The following TTC39B variants were observed in gnomAD, a reference collection of about 807,000 sequenced individuals.
TTC39B encodes tetratricopeptide repeat domain 39B, also known as tetratricopeptide repeat protein 39B.
TTC39B carries 92 observed loss-of-function variants against 96.6 expected under a neutral mutation model. The ratio of observed to expected loss-of-function variants is 0.95; its 90% CI spans 0.80 to 1.13. The LOEUF is 1.13. TTC39B is among the 50% of genes most tolerant of loss of function. TTC39B has a pLI of 0.00. For missense variants in TTC39B, 955 were observed against 809.3 expected (o/e 1.18, Z -2.18); for synonymous variants, 367 against 299.4 (o/e 1.23, Z -2.33).
chr9:15,233,867 T>C (rs1440542202), intron 2 of TTC39B, among the ~76,000 whole-genome samples: 2 of 148,708 alleles, frequency 1.3e-5, no homozygotes, highest in East Asian at 4.1e-4. Flanking sequence ...GTCTGGAAAG[T>C]GAGGAGCGTC....
intron 2 of TTC39B, among the ~76,000 whole-genome samples, chr9:15,239,222 C>A (rs1445802368): frequency 1.3e-5 from 2 of 152,086 alleles, no homozygotes; most frequent in Non-Finnish European, 2.9e-5. Flanking sequence ...GAGATATCAT[C>A]TTATACCAGT....
At chr9:15,202,480 G>C (rs10116289) in intron 7 of TTC39B, among the ~76,000 whole-genome samples, 18 of 151,874 alleles carry the variant, frequency 1.2e-4, no homozygotes, top group Admixed American at 4.6e-4. Flanking sequence ...GGGAGGCCGA[G>C]GTGGGTGGAA....
intron 6 of TTC39B, among the ~76,000 whole-genome samples, chr9:15,209,582 C>T (rs1820068782): frequency 6.6e-6 from 1 of 152,144 alleles, no homozygotes; most frequent in Non-Finnish European, 1.5e-5. Flanking sequence ...ACTGTCAGTC[C>T]TGGTTCTTCC....
chr9:15,248,948 T>A (rs961410150), intron 2 of TTC39B: 1 of 152,234 alleles, frequency 6.6e-6, no homozygotes, highest in Non-Finnish European at 1.5e-5. Context: ...GTATTTTGAC[T>A]ACTGATCTCT....
intron 1 of TTC39B, among the ~76,000 whole-genome samples, chr9:15,283,159 G>T (rs1384538993): frequency 1.3e-5 from 2 of 152,064 alleles, no homozygotes; most frequent in Non-Finnish European, 2.9e-5. Flanking sequence ...AATCAATAAA[G>T]AAATAAATGA....
At chr9:15,268,031 C>G (rs758168531) in intron 1 of TTC39B, 83 bp from the exon 2 acceptor site, 22 of 1,282,290 alleles carry the variant, frequency 1.7e-5, no homozygotes, top group African/African-American at 3.0e-5. Context: ...AATGAATACA[C>G]GCATTGGGGA....
chr9:15,200,121 A>C (rs534672875), intron 7 of TTC39B, among the ~76,000 whole-genome samples, 196 bp from the exon 8 acceptor site: 50 of 152,318 alleles, frequency 3.3e-4, no homozygotes, highest in African/African-American at 1.0e-3. Context: ...TCCACATTAG[A>C]GGACAACAAA....
At chr9:15,187,640 T>G (rs1372256425) in intron 14 of TTC39B, among the ~76,000 whole-genome samples, 1 of 152,186 alleles carries the variant, frequency 6.6e-6, no homozygotes, top group Non-Finnish European at 1.5e-5. Flanking sequence ...TTTTATTTTT[T>G]GCAGAGATAA....
chr9:15,208,004 A>G (rs1219508928), intron 6 of TTC39B, among the ~76,000 whole-genome samples: 1 of 146,584 alleles, frequency 6.8e-6, no homozygotes, highest in African/African-American at 2.5e-5. Context: ...AAAAAAAAAA[A>G]GGAGCATTAT....
chr9:15,264,137 T>A (rs986599010), intron 2 of TTC39B, among the ~76,000 whole-genome samples: 6 of 152,148 alleles, frequency 3.9e-5, no homozygotes, highest in Non-Finnish European at 8.8e-5. Flanking sequence ...AGAAAAACTA[T>A]AACAGAGTTG....
chr9:15,188,057 G>C, exon 14 of TTC39B: 7 of 1,612,106 alleles, frequency 4.3e-6, no homozygotes, highest in Non-Finnish European at 5.9e-6. Context: ...ATCCACATTA[G>C]CTCCCAGTAG....
intron 2 of TTC39B, among the ~76,000 whole-genome samples, chr9:15,236,010 C>T (rs480635): frequency 0.19 from 28,724 of 151,994 alleles, 2,819 homozygotes; most frequent in African/African-American, 0.21. Flanking sequence ...TTAAAAGATA[C>T]GGAGTAGCAA....
At chr9:15,222,791 T>C (rs1171318792) in intron 3 of TTC39B, among the ~76,000 whole-genome samples, 1 of 152,200 alleles carries the variant, frequency 6.6e-6, no homozygotes. Flanking sequence ...CTGTTCTGTT[T>C]TGATGACTTT....
intron 1 of TTC39B, among the ~76,000 whole-genome samples, chr9:15,305,610 A>G (rs889326835): frequency 6.6e-6 from 1 of 151,712 alleles, no homozygotes; most frequent in African/African-American, 2.4e-5. Context: ...TCTGTGTGCC[A>G]GGCTCTCTGC....
At chr9:15,233,906 G>C (rs1161864642) in intron 2 of TTC39B, among the ~76,000 whole-genome samples, 2 of 151,830 alleles carry the variant, frequency 1.3e-5, no homozygotes, top group African/African-American at 4.8e-5. Flanking sequence ...CATCTAGGAA[G>C]TGAGGAGCGC....
intron 18 of TTC39B, among the ~76,000 whole-genome samples, chr9:15,177,331 T>C (rs1817995374): frequency 1.3e-5 from 2 of 150,712 alleles, no homozygotes; most frequent in South Asian, 2.1e-4. Flanking sequence ...AAGTCTCCCA[T>C]CTCTTAAAAA....
At chr9:15,296,486 C>A (rs1824380286) in intron 1 of TTC39B, among the ~76,000 whole-genome samples, 1 of 152,166 alleles carries the variant, frequency 6.6e-6, no homozygotes, top group African/African-American at 2.4e-5. Context: ...TGTGTCTCCA[C>A]TGTCAAAAAA....
At chr9:15,200,003 AT>A in intron 7 of TTC39B, 78 bp from the exon 8 acceptor site, 1 of 755,284 alleles carries the variant, frequency 1.3e-6, no homozygotes, top group Non-Finnish European at 2.1e-6. Context: ...TGTTTGTGTG[AT>A]TAGAAAAACA....
At chr9:15,172,193 T>A (rs992380) in intron 19 of TTC39B, 84 bp from the exon 20 acceptor site, 1 of 882,082 alleles carries the variant, frequency 1.1e-6, no homozygotes, top group African/African-American at 1.7e-5. Context: ...CTCTCTGATC[T>A]ACTTACTTAC....
Sources: gnomAD v4.1 joint callset for allele counts (sites outside exome capture counted in the v4.1 genomes callset) on GRCh38, gnomAD v4.1.1 for gene constraint, MANE v1.5 for transcripts, NCBI Gene and HGNC (gene_info 2026-07-23, HGNC 2026-07-21) for gene names.